Variants in SAP130 observed in about 807,000 individuals in gnomAD.
SAP130 encodes the protein histone deacetylase complex subunit SAP130.
A neutral mutation model predicts 103.2 loss-of-function variants in SAP130; 16 were observed. That is an observed-to-expected ratio of 0.16 (90% CI 0.10 to 0.24). The LOEUF is 0.24. Ranked by LOEUF, SAP130 falls within the 10% of genes least tolerant of loss-of-function variation. The pLI is 1.00. For missense variants in SAP130, 990 were observed against 1,359.7 expected (o/e 0.73, Z 4.28); for synonymous variants, 477 against 497.0 (o/e 0.96, Z 0.53).
At chr2:128,012,186 T>C (rs538449734) in intron 6 of SAP130, among the ~76,000 whole-genome samples, 1 of 152,184 alleles carries the variant, frequency 6.6e-6, no homozygotes, top group Non-Finnish European at 1.5e-5. Flanking sequence ...AAAATGATTT[T>C]TGGCCGGGCA....
Position 127,989,664 on chromosome 2 carries a change from A to C in SAP130, c.1680T>G (p.Leu560=). The C allele has an allele frequency of 6.2e-7, 1 of 1,614,176 alleles. No individual in the cohort carries two copies. The highest frequency in any genetic ancestry group is 8.5e-7 in the Non-Finnish European group (1 of 1,180,042). The change falls in exon 13 of 21, where the codon CTT becomes CTG. Residue 560 remains leucine (L), a synonymous_variant. Coordinates refer to ENST00000643581, the MANE Select transcript of SAP130 (RefSeq NM_001330301.2). The surrounding 1 kb of genome is among the most constrained non-coding windows in gnomAD (Gnocchi z 4.6). ...TTGCTGAGTGAATTCCCTGTGTGCCAAGTGGTGCAGGCTGTATCCCTGGGG... is the reference window on the plus strand; with the variant it reads ...TTGCTGAGTGAATTCCCTGTGTGCCCAGTGGTGCAGGCTGTATCCCTGGGG... ...IGTPGIQPAP[L]GTQGIHSATP...
chr2:127,942,326 G>T lies in SAP130; in HGVS notation c.3015+98C>A. On this transcript the variant is annotated intron_variant, in intron 20 of 20. Coordinates refer to ENST00000643581, the MANE Select transcript of SAP130 (RefSeq NM_001330301.2). This position sits in a 1 kb window ranked among gnomAD's most constrained non-coding sequence, Gnocchi z 4.8. Reference sequence around the variant, plus strand: ...AGGCTGAAGCACGTATGTTTTTACTGAAGATATGAGGGAGACGGGGGGAAA... The same window carrying T: ...AGGCTGAAGCACGTATGTTTTTACTTAAGATATGAGGGAGACGGGGGGAAA... 1 of 1,079,512 alleles carries T rather than the reference G, an allele frequency of 9.3e-7. No individual in the cohort carries two copies. The highest frequency in any genetic ancestry group is 1.4e-6 in the Non-Finnish European group (1 of 713,902). 66.9% of individuals were successfully genotyped at this position (1,079,512 alleles called of 1,614,324 possible).
chr2:127,992,819 A>G (rs913181094), intron 12 of SAP130, among the ~76,000 whole-genome samples: 7 of 152,254 alleles, frequency 4.6e-5, no homozygotes, highest in African/African-American at 1.4e-4. Context: ...AACCTAAAGT[A>G]AAAGTTATTA....
At chr2:127,951,964 C>T (rs1249686236) in intron 16 of SAP130, among the ~76,000 whole-genome samples, 1 of 152,184 alleles carries the variant, frequency 6.6e-6, no homozygotes, top group East Asian at 1.9e-4. Context: ...TCCCCATCTC[C>T]ACTGTGTCCC....
At chr2:127,959,753 A>G (rs981806767) in intron 15 of SAP130, among the ~76,000 whole-genome samples, 2 of 152,264 alleles carry the variant, frequency 1.3e-5, no homozygotes, top group Non-Finnish European at 2.9e-5. Flanking sequence ...TAAAGTAGAT[A>G]TCATAAATAT....
chr2:127,985,902 G>A (rs1682348744), intron 14 of SAP130, among the ~76,000 whole-genome samples: 1 of 151,968 alleles, frequency 6.6e-6, no homozygotes, highest in Admixed American at 6.6e-5. Flanking sequence ...ACAGCAAGGG[G>A]AGCATGCCGG....
intron 15 of SAP130, among the ~76,000 whole-genome samples, chr2:127,973,926 T>C (rs1681271591): frequency 6.6e-6 from 1 of 152,014 alleles, no homozygotes; most frequent in Non-Finnish European, 1.5e-5. Context: ...AATACAAAAA[T>C]GAGCTGGGTA....
intron 3 of SAP130, among the ~76,000 whole-genome samples, chr2:128,017,462 A>G (rs951371598): frequency 3.3e-5 from 5 of 152,210 alleles, no homozygotes; most frequent in African/African-American, 1.2e-4. Flanking sequence ...ATCAAAATGG[A>G]TAACAGCAAA....
At chr2:128,003,957 C>CT (rs61211577) in intron 7 of SAP130, among the ~76,000 whole-genome samples, 1,766 of 67,586 alleles carry the variant, frequency 0.026, 314 homozygotes, top group Non-Finnish European at 0.038. Flanking sequence ...CACAGATCAG[C>CT]TTTTTTTTTT....
At chr2:127,965,592 C>T (rs543491078) in intron 15 of SAP130, among the ~76,000 whole-genome samples, 2 of 152,056 alleles carry the variant, frequency 1.3e-5, no homozygotes, top group South Asian at 4.1e-4. Context: ...GAGTTTGAGA[C>T]CAGCCTAACC....
chr2:128,020,524 C>T (rs891814516), intron 2 of SAP130, among the ~76,000 whole-genome samples: 1 of 152,182 alleles, frequency 6.6e-6, no homozygotes. Context: ...GTACGACACA[C>T]GAGTAACGTA....
chr2:127,983,408 C>G (rs1416763558), intron 14 of SAP130, among the ~76,000 whole-genome samples: 1 of 152,126 alleles, frequency 6.6e-6, no homozygotes, highest in Non-Finnish European at 1.5e-5. Flanking sequence ...AAATACAGAT[C>G]AAGTGCTTTT....
At chr2:127,964,803 C>A (rs1009957971) in intron 15 of SAP130, among the ~76,000 whole-genome samples, 2 of 152,042 alleles carry the variant, frequency 1.3e-5, no homozygotes, top group African/African-American at 4.8e-5. Context: ...TCGAGACCAG[C>A]CTGGCCAACA....
intron 14 of SAP130, among the ~76,000 whole-genome samples, chr2:127,980,389 G>T (rs1447044477): frequency 1.3e-5 from 2 of 152,168 alleles, no homozygotes; most frequent in Admixed American, 6.5e-5. Flanking sequence ...CCCAGAACAA[G>T]TGTTGGTGAG....
intron 7 of SAP130, among the ~76,000 whole-genome samples, chr2:128,007,456 A>C (rs567050066): frequency 2.0e-5 from 3 of 152,344 alleles, no homozygotes; most frequent in Non-Finnish European, 4.4e-5. Context: ...CCAAGACCCC[A>C]TAGATAGAGA....
intron 19 of SAP130, among the ~76,000 whole-genome samples, chr2:127,944,207 A>G (rs992100394): frequency 6.6e-6 from 1 of 151,790 alleles, no homozygotes; most frequent in Non-Finnish European, 1.5e-5. Context: ...TAATTAAAAC[A>G]CTTTTTTTTG....
At chr2:128,019,424 C>G (rs917202338) in intron 2 of SAP130, among the ~76,000 whole-genome samples, 4 of 152,178 alleles carry the variant, frequency 2.6e-5, no homozygotes, top group African/African-American at 9.6e-5. Context: ...CATGCCACCA[C>G]ACCTGGCTAA....
intron 16 of SAP130, among the ~76,000 whole-genome samples, chr2:127,952,739 T>C (rs891715083): frequency 6.6e-6 from 1 of 152,172 alleles, no homozygotes; most frequent in Non-Finnish European, 1.5e-5. Flanking sequence ...GTCTCCTCTC[T>C]GAAATATTTT....
At chr2:127,951,517 C>G (rs1478683800) in intron 16 of SAP130, among the ~76,000 whole-genome samples, 2 of 152,154 alleles carry the variant, frequency 1.3e-5, no homozygotes, top group East Asian at 3.8e-4. Flanking sequence ...ACTTCTTAGG[C>G]CTACAAGGAA....
Sources: gnomAD v4.1 joint callset for allele counts (sites outside exome capture counted in the v4.1 genomes callset) on GRCh38, gnomAD v4.1.1 for gene constraint, Gnocchi (gnomAD v3.1) non-coding constraint, MANE v1.5 for transcripts, NCBI Gene and HGNC (gene_info 2026-07-23, HGNC 2026-07-21) for gene names.